ZNF557: variants seen among roughly 807,000 people sequenced by gnomAD.
ZNF557 encodes the protein CTB-25J19.9.
Under a neutral mutation model 21.2 loss-of-function variants are expected in ZNF557, and 19 were observed. The ratio of observed to expected loss-of-function variants is 0.90; its 90% confidence interval spans 0.63 to 1.32. The LOEUF (loss-of-function observed/expected upper bound fraction) is 1.32, where lower values mean the gene tolerates loss of function less well. ZNF557 is among the 40% of genes most tolerant of loss of function. ZNF557 has a pLI of 0.00. For synonymous variants in ZNF557, 207 were observed against 194.8 expected, an observed-to-expected ratio of 1.06 and a Z score of -0.52; for missense variants, 487 against 519.8, an observed-to-expected ratio of 0.94 and a Z score of 0.61.
At position 7,087,067 on chromosome 19, in the gene ZNF557, TA is replaced by T. The variant is rs1977867866; in HGVS notation, c.*3324del. 6.6e-6 allele frequency: 1 copy of T among 151,568 alleles called. No individual in the cohort carries two copies. The highest frequency in any genetic ancestry group is 1.5e-5 in the Non-Finnish European group (1 of 67,908). 9.4% of individuals were successfully genotyped at this position (151,568 alleles called of 1,614,324 possible). The stretch of plus-strand genomic sequence containing the variant: ...CAGTGTACTAGGCTTTCCTGAAGCT[TA>T]GACAGGCTTTATCCCACTCTGCTGG... On this transcript the variant is annotated 3_prime_UTR_variant, in exon 8 of 8. Coordinates refer to ENST00000252840, the MANE Select transcript of ZNF557 (RefSeq NM_024341.3).
chr19:7,080,427 A>C (rs1354906621), intron 5 of ZNF557, among the ~76,000 whole-genome samples: 1 of 152,192 alleles, frequency 6.6e-6, no homozygotes, highest in African/African-American at 2.4e-5. Flanking sequence ...CCCATTGAGC[A>C]GTGGCTGATT....
In ZNF557 at chr19:7,085,082, G is replaced by A. The variant is rs374546032; in HGVS notation, c.*1338G>A. The A allele has an allele frequency of 6.6e-6, 1 of 152,306 alleles. No individual in the cohort carries two copies. Among genetic ancestry groups the A allele is most frequent in the African/African-American group, 2.4e-5 (1 of 41,558 alleles). The allele number at this position is 152,306 out of a possible 1,614,324, so 9.4% of individuals were successfully genotyped here. A position where few individuals can be genotyped will look rare whatever the true frequency, so the allele number is the denominator to read the frequency against. ...AATATTCTCTCCATTTTTAAGAAGT[G>A]AGATTCATACTAGAAAAACCATTGA... is the stretch of plus-strand genomic sequence containing the variant. On this transcript the variant is annotated 3_prime_UTR_variant, in exon 8 of 8. Coordinates refer to ENST00000252840, the MANE Select transcript of ZNF557 (RefSeq NM_024341.3).
intron 5 of ZNF557, among the ~76,000 whole-genome samples, chr19:7,078,567 G>T (rs1430154805): frequency 6.6e-6 from 1 of 151,834 alleles, no homozygotes; most frequent in African/African-American, 2.4e-5. Flanking sequence ...CAGTAGCTAG[G>T]ATTACAAACG....
rs570087553 is a variant in ZNF557 at position 7,079,403 on chromosome 19, C to T, written c.248-1957C>T. 9.7e-5 allele frequency among the ~76,000 whole-genome samples: 13 copies of T among 134,006 alleles called. 1 individual carries two copies. Among genetic ancestry groups the T allele is most frequent in the South Asian group, 5.4e-4 (2 of 3,692 alleles). The allele number at this position is 134,006 out of a possible 152,430, so 87.9% of individuals were successfully genotyped here. Reference sequence around the variant, plus strand: ...ACTACAGGCGCCCACCACCACGCCTCGCTAATTTTTTATATATTTAGTAGA... The same window carrying T: ...ACTACAGGCGCCCACCACCACGCCTTGCTAATTTTTTATATATTTAGTAGA... On this transcript the variant is annotated intron_variant, in intron 5 of 7. Transcript: ENST00000252840.
chr19:7,075,719 T>C lies in ZNF557; in HGVS notation c.96T>C (p.Asn32=). ...ACACAGAGGGCGGAGAGCTGGTTAA[T>C]GAGCTCCTGAAAAGCTGGCTAAAGG... ...EGHTEGGELV[N]ELLKSWLKGL... is the part of the protein sequence containing the mutation. Residue 32 remains asparagine, a synonymous_variant, in exon 4 of 8, where the codon AAT becomes AAC. Coordinates refer to ENST00000252840, the MANE Select transcript of ZNF557 (RefSeq NM_024341.3). The C allele has an allele frequency of 1.9e-6, 3 of 1,613,528 alleles. No individual in the cohort carries two copies. Among genetic ancestry groups the C allele is most frequent in the Non-Finnish European group, 2.5e-6 (3 of 1,179,526 alleles).
At chr19:7,073,162 T>TTG (rs1555729264) in intron 2 of ZNF557, among the ~76,000 whole-genome samples, 3 of 148,788 alleles carry the variant, frequency 2.0e-5, no homozygotes. Context: ...TTTTTGTTTT[T>TTG]TTTTTTTTGA....
At position 7,083,079 on chromosome 19, in the gene ZNF557, T is replaced by G. The variant is rs1305366792; in HGVS notation, c.628T>G (p.Cys210Gly). 3 of 1,614,118 alleles carry G rather than the reference T, an allele frequency of 1.9e-6. No individual in the cohort carries two copies. Among genetic ancestry groups the G allele is most frequent in the Non-Finnish European group, 2.5e-6 (3 of 1,179,972 alleles). ...RIHNGEKPYE[C>G]NDCGKTFSSR... ...CCACAATGGGGAGAAACCCTATGAA[T>G]GCAATGACTGTGGGAAAACCTTCAG... Residue 210 changes from cysteine (C) to glycine (G), a missense_variant, in exon 8 of 8, where the codon TGC (cysteine) becomes GGC (glycine). Coordinates refer to ENST00000252840, the MANE Select transcript of ZNF557 (RefSeq NM_024341.3).
intron 5 of ZNF557, among the ~76,000 whole-genome samples, chr19:7,079,415 A>G (rs1488674547): frequency 2.1e-5 from 2 of 93,396 alleles, no homozygotes; most frequent in East Asian, 3.7e-4. Flanking sequence ...CTAATTTTTT[A>G]TATATTTAGT....
intron 2 of ZNF557, among the ~76,000 whole-genome samples, chr19:7,074,132 C>T (rs573908474): frequency 2.0e-5 from 3 of 152,088 alleles, no homozygotes; most frequent in South Asian, 4.2e-4. Context: ...TCCCAAATAG[C>T]TGGGATTCCA....
chr19:7,079,450 C>T (rs1211043549), intron 5 of ZNF557, among the ~76,000 whole-genome samples: 1 of 151,938 alleles, frequency 6.6e-6, no homozygotes, highest in Admixed American at 6.6e-5. Flanking sequence ...CCGTGTTAGC[C>T]AGGATGATCT....
In ZNF557 at chr19:7,075,033, C is replaced by G. The variant is rs375353597; in HGVS notation, c.-42C>G. On this transcript the variant is annotated 5_prime_UTR_variant, in exon 3 of 8. Coordinates refer to ENST00000252840, the MANE Select transcript of ZNF557 (RefSeq NM_024341.3). ...AGAGCGCTGCGGGATAAAGGAGGAG[C>G]GTCCTGCTTCCCGGCTGCCCTGTTG... 1.2e-6 allele frequency: 2 copies of G among 1,613,744 alleles called. No individual in the cohort carries two copies. The highest frequency in any genetic ancestry group is 1.7e-6 in the Non-Finnish European group (2 of 1,179,960).
At chr19:7,074,630 G>C (rs936434416) in intron 2 of ZNF557, among the ~76,000 whole-genome samples, 28 of 150,880 alleles carry the variant, frequency 1.9e-4, no homozygotes, top group African/African-American at 6.8e-4. Flanking sequence ...AGAGTGGGGA[G>C]TGGGGAGGAG....
intron 1 of ZNF557, among the ~76,000 whole-genome samples, chr19:7,070,101 G>C (rs1054013530): frequency 6.6e-6 from 1 of 152,162 alleles, no homozygotes; most frequent in Non-Finnish European, 1.5e-5. Flanking sequence ...ATCCTGCAGC[G>C]CGTAAAGCAG....
At chr19:7,082,850 G>T (rs757509311) in intron 7 of ZNF557, 28 bp from the exon 8 acceptor site, 25 of 1,526,272 alleles carry the variant, frequency 1.6e-5, no homozygotes, top group Admixed American at 1.3e-4. Flanking sequence ...ATTATAAATG[G>T]TACTTATTGT....
intron 1 of ZNF557, among the ~76,000 whole-genome samples, chr19:7,070,357 G>A (rs1330085558): frequency 6.6e-6 from 1 of 152,190 alleles, no homozygotes; most frequent in Admixed American, 6.5e-5. Context: ...CCCATTTTAG[G>A]GACCAGATGG....
intron 7 of ZNF557, among the ~76,000 whole-genome samples, 170 bp downstream of exon 7, chr19:7,082,222 C>T (rs1309276346): frequency 6.6e-6 from 1 of 151,636 alleles, no homozygotes; most frequent in Non-Finnish European, 1.5e-5. Flanking sequence ...AGTTGGAGAC[C>T]AGCCTGGCCA....
chr19:7,077,348 C>T (rs1977607589), intron 5 of ZNF557, among the ~76,000 whole-genome samples: 1 of 151,948 alleles, frequency 6.6e-6, no homozygotes, highest in Admixed American at 6.6e-5. Context: ...GTTGGCCAGG[C>T]TGGTCTTGAA....
chr19:7,077,789 C>G (rs1434206616), intron 5 of ZNF557, among the ~76,000 whole-genome samples: 1 of 152,168 alleles, frequency 6.6e-6, no homozygotes, highest in Non-Finnish European at 1.5e-5. Flanking sequence ...GTATTAGTTT[C>G]TCTGCATCCT....
chr19:7,076,434 A>T lies in ZNF557; in HGVS notation c.174A>T (p.Ala58=), dbSNP rs753307033. The T allele has an allele frequency of 1.2e-6, 2 of 1,614,176 alleles. No homozygotes were observed. The highest frequency in any genetic ancestry group is 1.7e-6 in the Non-Finnish European group (2 of 1,180,042). The change falls in exon 5 of 8, where the codon GCA becomes GCT. Residue 58 remains alanine (A), a synonymous_variant. Transcript: ENST00000252840. The part of the protein sequence containing the change: ...VAVEFTQEEW[A]LLDPAQRTLY... ...TGGAGTTCACCCAGGAGGAGTGGGC[A>T]TTGCTGGACCCTGCCCAAAGGACAC...
Sources: gnomAD v4.1 joint callset for allele counts (sites outside exome capture counted in the v4.1 genomes callset) on GRCh38, gnomAD v4.1.1 for gene constraint, MANE v1.5 for transcripts, NCBI Gene and HGNC (gene_info 2026-07-23, HGNC 2026-07-21) for gene names.